Variants in RGS6 observed in about 807,000 individuals in gnomAD.
RGS6 encodes regulator of G protein signaling 6.
A neutral mutation model predicts 78.5 loss-of-function variants in RGS6; 30 were observed. The observed-to-expected ratio is 0.38, with a 90% CI of 0.29 to 0.52. RGS6 has a LOEUF of 0.52. Among genes scored for constraint, RGS6 ranks in the 20% least tolerant of loss-of-function variants. The pLI is 0.85. For synonymous variants in RGS6, 206 were observed against 206.0 expected, an observed-to-expected ratio of 1.00 and a Z score of 0.00; for missense variants, 495 against 609.7, an observed-to-expected ratio of 0.81 and a Z score of 1.98.
chr14:72,126,994 T>C (rs2096210578), intron 2 of RGS6, among the ~76,000 whole-genome samples: 1 of 152,190 alleles, frequency 6.6e-6, no homozygotes, highest in Non-Finnish European at 1.5e-5. Flanking sequence ...TATATGTGTG[T>C]ATCATATATT....
chr14:72,213,882 T>C (rs982705332), intron 2 of RGS6, among the ~76,000 whole-genome samples: 9 of 152,216 alleles, frequency 5.9e-5, no homozygotes, highest in African/African-American at 2.2e-4. Context: ...TATTTGACAC[T>C]ACTCTCTATA....
intron 2 of RGS6, among the ~76,000 whole-genome samples, chr14:72,184,938 C>T (rs539033880): frequency 6.6e-6 from 1 of 152,218 alleles, no homozygotes; most frequent in Admixed American, 6.5e-5. Flanking sequence ...GGTCAAGTCC[C>T]ACAGTAGGCC....
chr14:72,126,151 TG>T (rs772179692), intron 2 of RGS6, among the ~76,000 whole-genome samples: 67 of 152,358 alleles, frequency 4.4e-4, no homozygotes, highest in Non-Finnish European at 8.7e-4. Flanking sequence ...AGTTTAGGGT[TG>T]GGCTCTTTCT....
At chr14:72,031,953 T>C (rs2090967526) in intron 2 of RGS6, among the ~76,000 whole-genome samples, 1 of 152,210 alleles carries the variant, frequency 6.6e-6, no homozygotes, top group Non-Finnish European at 1.5e-5. Flanking sequence ...AATGCTGAAA[T>C]GGACATTTTG....
intron 6 of RGS6, among the ~76,000 whole-genome samples, chr14:72,462,158 CTA>C (rs1251277112): frequency 6.6e-6 from 1 of 152,168 alleles, no homozygotes; most frequent in East Asian, 1.9e-4. Flanking sequence ...CTGTCAAATT[CTA>C]TGTCAGAGAT....
At chr14:72,299,445 G>T (rs530745697) in intron 2 of RGS6, among the ~76,000 whole-genome samples, 3 of 152,350 alleles carry the variant, frequency 2.0e-5, no homozygotes, top group East Asian at 3.9e-4. Flanking sequence ...TAACATTCAT[G>T]TACAAATGTT....
At chr14:72,444,083 G>T (rs950835883) in intron 3 of RGS6, among the ~76,000 whole-genome samples, 1 of 152,164 alleles carries the variant, frequency 6.6e-6, no homozygotes, top group South Asian at 2.1e-4. Flanking sequence ...GTCTGCTGCT[G>T]CCCACATCCT....
intron 2 of RGS6, among the ~76,000 whole-genome samples, chr14:72,033,734 T>A (rs74063009): frequency 0.049 from 7,495 of 152,324 alleles, 269 homozygotes; most frequent in African/African-American, 0.097. Context: ...AACTGTTGTA[T>A]GTTGAGGACT....
chr14:72,395,053 A>T (rs2090886474), intron 3 of RGS6, among the ~76,000 whole-genome samples: 1 of 152,212 alleles, frequency 6.6e-6, no homozygotes, highest in African/African-American at 2.4e-5. Context: ...AAGAAACAAA[A>T]TCAAATTATT....
At chr14:72,075,345 G>A (rs1012462710) in intron 2 of RGS6, among the ~76,000 whole-genome samples, 2 of 151,828 alleles carry the variant, frequency 1.3e-5, no homozygotes, top group Non-Finnish European at 2.9e-5. Context: ...ATTCATTATT[G>A]GTATACCCAA....
chr14:72,165,726 C>G (rs1483987471), intron 2 of RGS6, among the ~76,000 whole-genome samples: 2 of 152,128 alleles, frequency 1.3e-5, no homozygotes, highest in Non-Finnish European at 2.9e-5. Flanking sequence ...ACCAGGCAAC[C>G]AAACACTAAG....
chr14:72,321,266 C>A (rs2071925645), intron 2 of RGS6, among the ~76,000 whole-genome samples: 1 of 151,190 alleles, frequency 6.6e-6, no homozygotes, highest in South Asian at 2.1e-4. Flanking sequence ...GGAATACTCA[C>A]AAAAAGAAAA....
intron 2 of RGS6, among the ~76,000 whole-genome samples, chr14:72,331,723 C>T (rs1214973690): frequency 6.6e-6 from 1 of 152,160 alleles, no homozygotes; most frequent in Non-Finnish European, 1.5e-5. Context: ...ATACCTCCCA[C>T]TGGCCTTGGG....
At chr14:72,553,275 AAC>A in intron 17 of RGS6, 1 of 152,550 alleles carries the variant, frequency 6.6e-6, no homozygotes, top group Non-Finnish European at 1.5e-5. Flanking sequence ...CCTTCCTAAA[AAC>A]ACAATTGCCT....
chr14:72,578,675 A>G, the RGS6 span, among the ~76,000 whole-genome samples: 1 of 152,266 alleles, frequency 6.6e-6, no homozygotes, highest in Non-Finnish European at 1.5e-5. Flanking sequence ...AGAGTTCACA[A>G]TGAGACCCGC....
chr14:72,489,637 C>G (rs979617623), intron 12 of RGS6, among the ~76,000 whole-genome samples: 5 of 152,006 alleles, frequency 3.3e-5, no homozygotes, highest in Admixed American at 2.6e-4. Context: ...CATGTGAAGA[C>G]AAAGACAGAG....
intron 1 of RGS6, among the ~76,000 whole-genome samples, chr14:71,953,910 C>G (rs956514769): frequency 8.2e-6 from 1 of 121,682 alleles, no homozygotes; most frequent in Non-Finnish European, 1.7e-5. Context: ...CTGTGAAAGT[C>G]TTTATTTTTT....
intron 17 of RGS6, among the ~76,000 whole-genome samples, chr14:72,553,829 G>A (rs778381255): frequency 1.6e-4 from 25 of 152,136 alleles, no homozygotes; most frequent in African/African-American, 2.4e-4. Flanking sequence ...TGCAGGAAAC[G>A]TAGCAATCTC....
At chr14:72,607,597 G>C in the RGS6 span, among the ~76,000 whole-genome samples, 6 of 152,210 alleles carry the variant, frequency 3.9e-5, no homozygotes, top group Non-Finnish European at 8.8e-5. Context: ...GGGTTCCCTG[G>C]GGTTAAAGCA....
Sources: allele counts gnomAD v4.1 joint callset (sites outside exome capture counted in the v4.1 genomes callset), GRCh38; gene constraint gnomAD v4.1.1; transcripts MANE v1.5; gene names NCBI Gene and HGNC (gene_info 2026-07-23, HGNC 2026-07-21).